SHROOM3: variants seen among roughly 807,000 people sequenced by gnomAD.
The protein encoded by SHROOM3 is shroom family member 3, also known as protein Shroom3.
In SHROOM3, 47 loss-of-function variants were observed where a neutral mutation model predicts 138.6. That is an observed-to-expected ratio of 0.34 (90% CI 0.27 to 0.43). The LOEUF is 0.43. SHROOM3 is among the 20% of genes least tolerant of loss of function. The pLI is 1.00. For missense variants in SHROOM3, 2,491 were observed against 2,596.5 expected (o/e 0.96, Z 0.88); for synonymous variants, 1,062 against 1,063.3 (o/e 1.00, Z 0.02).
At chr4:76,709,303 A>C (rs2110117009) in intron 2 of SHROOM3, among the ~76,000 whole-genome samples, 1 of 152,322 alleles carries the variant, frequency 6.6e-6, no homozygotes, top group African/African-American at 2.4e-5. Flanking sequence ...AAATCCTTGA[A>C]GACAGAAATT....
chr4:76,694,219 A>G (rs1208055570), intron 2 of SHROOM3, among the ~76,000 whole-genome samples: 1 of 152,212 alleles, frequency 6.6e-6, no homozygotes, highest in Non-Finnish European at 1.5e-5. Context: ...AGAACGCATT[A>G]GCCTCTGGGA....
chr4:76,702,609 A>T (rs1419472501), intron 2 of SHROOM3, among the ~76,000 whole-genome samples: 1 of 152,192 alleles, frequency 6.6e-6, no homozygotes, highest in Non-Finnish European at 1.5e-5. Flanking sequence ...TGGCTCCGGA[A>T]TCCACATCGT....
chr4:76,592,273 G>C (rs1173616901), intron 2 of SHROOM3, among the ~76,000 whole-genome samples: 1 of 152,176 alleles, frequency 6.6e-6, no homozygotes, highest in African/African-American at 2.4e-5. Context: ...GTGGGTCACT[G>C]GGAGGCAGTT....
At chr4:76,773,171 TC>T (rs1358518449) in intron 10 of SHROOM3, among the ~76,000 whole-genome samples, 1 of 151,800 alleles carries the variant, frequency 6.6e-6, no homozygotes, top group Non-Finnish European at 1.5e-5. Flanking sequence ...GGTCAGGAGT[TC>T]AAGACCAGCC....
chr4:76,667,006 C>T (rs1481874655), intron 2 of SHROOM3, among the ~76,000 whole-genome samples: 1 of 152,164 alleles, frequency 6.6e-6, no homozygotes, highest in Admixed American at 6.5e-5. Context: ...TCCACTTATA[C>T]AAGTTACCTA....
At chr4:76,502,588 A>AC (rs995852057) in intron 1 of SHROOM3, among the ~76,000 whole-genome samples, 6 of 151,732 alleles carry the variant, frequency 4.0e-5, no homozygotes. Context: ...TGTGGGGAAA[A>AC]CCCCCCACCC....
Position 76,552,266 on chromosome 4 carries a change from G to A in SHROOM3, c.169-3343G>A, listed in dbSNP as rs556748296. ...TCATGCCTGTAATCTCACCACTTTGGGAGGCCAAAGTGGGAGGATCACTTG... is the reference window on the plus strand; with the variant it reads ...TCATGCCTGTAATCTCACCACTTTGAGAGGCCAAAGTGGGAGGATCACTTG... On this transcript the variant is annotated intron_variant, in intron 1 of 10. Coordinates refer to ENST00000296043, the MANE Select transcript of SHROOM3 (RefSeq NM_020859.4). 1.8e-4 allele frequency among the ~76,000 whole-genome samples: 27 copies of A among 150,750 alleles called. No homozygotes were observed. In the East Asian group the frequency reaches 4.7e-3, roughly 26 times the overall value.
At chr4:76,667,374 A>G (rs1288051431) in intron 2 of SHROOM3, among the ~76,000 whole-genome samples, 1 of 152,044 alleles carries the variant, frequency 6.6e-6, no homozygotes, top group Non-Finnish European at 1.5e-5. Flanking sequence ...TGCTGGATGC[A>G]GTGATGTGAT....
At chr4:76,709,556 A>C (rs1166964338) in intron 2 of SHROOM3, among the ~76,000 whole-genome samples, 2 of 145,878 alleles carry the variant, frequency 1.4e-5, no homozygotes, top group Admixed American at 1.4e-4. Flanking sequence ...GAATGGTGTT[A>C]GGGACTGGGG....
rs986815051 is a variant in SHROOM3, at chr4:76,772,666, T to G, written c.5622+1768T>G. The stretch of plus-strand genomic sequence containing the variant: ...CTACCTAACTCAGAAGTGTGTCCTG[T>G]CCTCCTTTCTTCCACTCGACAAACA... On this transcript the variant is annotated intron_variant, in intron 10 of 10. Transcript: ENST00000296043. 8.5e-5 allele frequency among the ~76,000 whole-genome samples: 13 copies of G among 152,252 alleles called. No homozygotes were observed. The Middle Eastern group carries it at 0.01, about 120-fold the overall frequency.
intron 2 of SHROOM3, among the ~76,000 whole-genome samples, chr4:76,650,519 A>ATTTATT (rs1735931111): frequency 2.1e-5 from 3 of 145,508 alleles, no homozygotes; most frequent in Admixed American, 6.9e-5. Flanking sequence ...TTTTTTAAGT[A>ATTTATT]TATTTATTTA....
intron 2 of SHROOM3, among the ~76,000 whole-genome samples, chr4:76,608,559 GCA>G (rs1560563113): frequency 0.01 from 1,022 of 102,198 alleles, 4 homozygotes; most frequent in Non-Finnish European, 0.012. Context: ...GCATAGCATA[GCA>G]TAGCATAGCA....
intron 9 of SHROOM3, among the ~76,000 whole-genome samples, chr4:76,763,836 T>TA (rs1334530689): frequency 1.3e-5 from 2 of 152,236 alleles, no homozygotes; most frequent in African/African-American, 4.8e-5. Context: ...CACAAAGTTT[T>TA]AAATAAGTGA....
chr4:76,477,735 C>T (rs575204487), intron 1 of SHROOM3, among the ~76,000 whole-genome samples: 145 of 152,258 alleles, frequency 9.5e-4, no homozygotes, highest in African/African-American at 3.3e-3. Context: ...GTGAGATCAA[C>T]GCAGAAGGCA....
At chr4:76,451,563 G>A (rs1473954380) in intron 1 of SHROOM3, among the ~76,000 whole-genome samples, 2 of 152,186 alleles carry the variant, frequency 1.3e-5, no homozygotes, top group African/African-American at 2.4e-5. Context: ...ATGCATGAAA[G>A]TTGTAAATTT....
At chr4:76,548,606 T>C (rs1733278238) in intron 1 of SHROOM3, among the ~76,000 whole-genome samples, 1 of 152,220 alleles carries the variant, frequency 6.6e-6, no homozygotes, top group Non-Finnish European at 1.5e-5. Context: ...GTTTCCCCAG[T>C]ATTTGTTCAA....
intron 10 of SHROOM3, among the ~76,000 whole-genome samples, chr4:76,778,403 G>A (rs1184812900): frequency 6.6e-6 from 1 of 152,000 alleles, no homozygotes; most frequent in Non-Finnish European, 1.5e-5. Flanking sequence ...TGTATTTTTA[G>A]TAGAGACGGG....
intron 2 of SHROOM3, among the ~76,000 whole-genome samples, chr4:76,592,005 A>T (rs1049259819): frequency 6.6e-6 from 1 of 152,360 alleles, no homozygotes; most frequent in East Asian, 1.9e-4. Flanking sequence ...CTGCTATGGA[A>T]AATACATAAA....
chr4:76,740,703 G>A lies in SHROOM3; in HGVS notation c.2530G>A (p.Gly844Arg), dbSNP rs1721220847. The A allele has an allele frequency of 1.2e-6, 2 of 1,613,710 alleles. No homozygotes were observed. Among genetic ancestry groups the A allele is most frequent in the South Asian group, 1.1e-5 (1 of 91,080 alleles). Reference protein sequence around the residue: ...FSESAEPLGNGEQHFKNGELK... With the variant: ...FSESAEPLGNREQHFKNGELK... ...TGAGTCAGCTGAACCCCTAGGCAAC[G>A]GGGAGCAGCACTTCAAAAACGGGGA... The change falls in exon 5 of 11, where the codon GGG becomes AGG. Residue 844 changes from glycine (G) to arginine (R), a missense_variant. Transcript: ENST00000296043. The surrounding 1 kb of genome is among the most constrained non-coding windows in gnomAD (Gnocchi z 4.0).
Sources: allele counts gnomAD v4.1 joint callset (sites outside exome capture counted in the v4.1 genomes callset), GRCh38; gene constraint gnomAD v4.1.1; non-coding constraint Gnocchi (gnomAD v3.1); transcripts MANE v1.5; gene names NCBI Gene and HGNC (gene_info 2026-07-23, HGNC 2026-07-21).